RAB11FIP2: variants seen among roughly 807,000 people sequenced by gnomAD.
RAB11FIP2 encodes the protein rab11 family-interacting protein 2.
A neutral mutation model predicts 40.9 loss-of-function variants in RAB11FIP2; 16 were observed. That is an observed-to-expected ratio of 0.39 (90% CI 0.26 to 0.59). RAB11FIP2 has a LOEUF of 0.59. Among genes scored for constraint, RAB11FIP2 ranks in the 20% least tolerant of loss-of-function variants. RAB11FIP2 has a pLI of 0.53. For missense variants in RAB11FIP2, 532 were observed against 606.2 expected, an observed-to-expected ratio of 0.88 and a Z score of 1.28; for synonymous variants, 228 against 213.7, an observed-to-expected ratio of 1.07 and a Z score of -0.58.
intron 3 of RAB11FIP2, among the ~76,000 whole-genome samples, chr10:118,019,321 G>T (rs917372668): frequency 1.3e-5 from 2 of 152,174 alleles, no homozygotes; most frequent in African/African-American, 4.8e-5. Flanking sequence ...CAAATTAAAT[G>T]TGAAATCCAG....
intron 1 of RAB11FIP2, 33 bp downstream of exon 1, chr10:118,045,778 T>A: frequency 6.7e-7 from 1 of 1,482,748 alleles, no homozygotes; most frequent in African/African-American, 1.4e-5. Context: ...AGATATAAAC[T>A]CCCCCAAATT....
At chr10:118,030,173 A>G (rs1415174993) in intron 3 of RAB11FIP2, among the ~76,000 whole-genome samples, 2 of 152,212 alleles carry the variant, frequency 1.3e-5, no homozygotes, top group Non-Finnish European at 1.5e-5. Flanking sequence ...AATGGCAATT[A>G]GCAAAGATTA....
Position 118,007,661 on chromosome 10 carries a change from A to G in RAB11FIP2, c.*1337T>C, listed in dbSNP as rs1228452417. ...AGACTTTAAAGGCTGAAAAATAAGC[A>G]GAAGATTAGCAATATTTTTATAACA... On this transcript the variant is annotated 3_prime_UTR_variant, in exon 5 of 5. Transcript: ENST00000355624. The G allele has an allele frequency of 6.6e-6, 1 of 152,114 alleles. No individual in the cohort carries two copies. The highest frequency in any genetic ancestry group is 2.4e-5 in the African/African-American group (1 of 41,438). 9.4% of individuals were successfully genotyped at this position (152,114 alleles called of 1,614,324 possible). A position where few individuals can be genotyped will look rare whatever the true frequency, so the allele number is the denominator to read the frequency against.
At chr10:118,026,061 T>G (rs919082086) in intron 3 of RAB11FIP2, among the ~76,000 whole-genome samples, 1 of 152,152 alleles carries the variant, frequency 6.6e-6, no homozygotes, top group Admixed American at 6.5e-5. Context: ...AGAACAGCAA[T>G]AATACATATA....
chr10:118,029,494 A>G (rs1846387844), intron 3 of RAB11FIP2, among the ~76,000 whole-genome samples: 1 of 152,206 alleles, frequency 6.6e-6, no homozygotes, highest in Non-Finnish European at 1.5e-5. Context: ...GTGTCTATAC[A>G]ATGTCCAACC....
chr10:118,015,548 A>T (rs942035437), intron 3 of RAB11FIP2, among the ~76,000 whole-genome samples: 1 of 152,238 alleles, frequency 6.6e-6, no homozygotes, highest in Non-Finnish European at 1.5e-5. Flanking sequence ...CTGTTTAAAA[A>T]TGCCATAAGT....
intron 3 of RAB11FIP2, among the ~76,000 whole-genome samples, chr10:118,031,815 G>C (rs538712875): frequency 3.8e-4 from 58 of 152,148 alleles, no homozygotes; most frequent in Admixed American, 1.6e-3. Context: ...TTATTCAGGA[G>C]TAGTTAAGAA....
At position 118,033,341 on chromosome 10, in the gene RAB11FIP2, T is replaced by A. The variant is rs112568499; in HGVS notation, c.1265+5631A>T. Among the ~76,000 whole-genome samples, 419 of 152,240 alleles carry A rather than the reference T, an allele frequency of 2.8e-3. 4 individuals carry two copies. The highest frequency in any genetic ancestry group is 7.2e-3 in the African/African-American group (298 of 41,556). On this transcript the variant is annotated intron_variant, in intron 3 of 4. Coordinates refer to ENST00000355624, the MANE Select transcript of RAB11FIP2 (RefSeq NM_014904.3). Reference sequence around the variant, plus strand: ...AAAAATAATCTCCAGGAGCCCTTGATGATCAGCACTGAGGTCATGCACAAA... The same window carrying A: ...AAAAATAATCTCCAGGAGCCCTTGAAGATCAGCACTGAGGTCATGCACAAA...
At chr10:118,010,922 C>G (rs935529807) in intron 4 of RAB11FIP2, among the ~76,000 whole-genome samples, 1 of 151,260 alleles carries the variant, frequency 6.6e-6, no homozygotes. Flanking sequence ...AGACAGGGGC[C>G]GAAATGGAAG....
intron 3 of RAB11FIP2, among the ~76,000 whole-genome samples, chr10:118,015,424 G>A (rs1846206703): frequency 6.6e-6 from 1 of 152,140 alleles, no homozygotes; most frequent in Non-Finnish European, 1.5e-5. Flanking sequence ...TTGTGTGAGA[G>A]ATTTCCCATT....
chr10:118,010,953 A>T (rs1328421524), intron 4 of RAB11FIP2, among the ~76,000 whole-genome samples: 2 of 152,012 alleles, frequency 1.3e-5, no homozygotes, highest in South Asian at 4.2e-4. Context: ...GACCACCAAG[A>T]ATGCTGAATG....
intron 3 of RAB11FIP2, 39 bp from the exon 4 acceptor site, chr10:118,015,149 C>A: frequency 6.5e-7 from 1 of 1,534,780 alleles, no homozygotes; most frequent in South Asian, 1.2e-5. Flanking sequence ...TGTCATAACT[C>A]ATGTGGGAGG....
At chr10:118,014,264 C>A (rs1181982382) in intron 4 of RAB11FIP2, among the ~76,000 whole-genome samples, 1 of 152,114 alleles carries the variant, frequency 6.6e-6, no homozygotes, top group Non-Finnish European at 1.5e-5. Context: ...ATCTGGATCG[C>A]ACACATCAAG....
At chr10:118,029,753 C>A (rs999265500) in intron 3 of RAB11FIP2, among the ~76,000 whole-genome samples, 1 of 151,794 alleles carries the variant, frequency 6.6e-6, no homozygotes, top group Non-Finnish European at 1.5e-5. Flanking sequence ...ATATTCTTAA[C>A]CTTTAGAGTA....
chr10:118,013,340 C>A (rs981650546), intron 4 of RAB11FIP2, among the ~76,000 whole-genome samples: 5 of 152,082 alleles, frequency 3.3e-5, no homozygotes, highest in Non-Finnish European at 7.4e-5. Flanking sequence ...CCCTTCATCT[C>A]CCTTTCAGTT....
chr10:118,010,098 A>T (rs1227219986), intron 4 of RAB11FIP2, among the ~76,000 whole-genome samples: 1 of 152,154 alleles, frequency 6.6e-6, no homozygotes, highest in African/African-American at 2.4e-5. Context: ...ATGTTATATC[A>T]AAAGTGAAAG....
chr10:118,025,522 G>A (rs781523099), intron 3 of RAB11FIP2, among the ~76,000 whole-genome samples: 10 of 152,134 alleles, frequency 6.6e-5, no homozygotes, highest in African/African-American at 9.7e-5. Context: ...CACCTCTTCC[G>A]ATTCCGGCAT....
chr10:118,031,514 T>C (rs186040490), intron 3 of RAB11FIP2, among the ~76,000 whole-genome samples: 62 of 152,032 alleles, frequency 4.1e-4, no homozygotes, highest in Admixed American at 4.0e-3. Flanking sequence ...GAGGAAGGTA[T>C]GATACAAGCA....
intron 4 of RAB11FIP2, among the ~76,000 whole-genome samples, chr10:118,013,477 T>C (rs1589637286): frequency 6.6e-6 from 1 of 152,102 alleles, no homozygotes; most frequent in Non-Finnish European, 1.5e-5. Context: ...TACAAAATAC[T>C]ATGTCCAGAG....
Sources: allele counts gnomAD v4.1 joint callset (sites outside exome capture counted in the v4.1 genomes callset), GRCh38; gene constraint gnomAD v4.1.1; transcripts MANE v1.5; gene names NCBI Gene and HGNC (gene_info 2026-07-23, HGNC 2026-07-21).